DMD: variants seen among roughly 807,000 people sequenced by gnomAD.
The protein encoded by DMD is dystrophin.
DMD carries 63 observed loss-of-function variants against 330.1 expected under a neutral mutation model. The ratio of observed to expected loss-of-function variants is 0.19; its 90% CI spans 0.16 to 0.24. The LOEUF is 0.24. Ranked by LOEUF, DMD falls within the 10% of genes least tolerant of loss-of-function variation. The pLI is 1.00. For synonymous variants in DMD, 1,223 were observed against 959.8 expected (o/e 1.27, Z -5.07); for missense variants, 3,344 against 2,684.1 (o/e 1.25, Z -5.43).
In DMD at chrX:31,845,415, CTCTCTCTCT is replaced by C. The variant is rs1569474943; in HGVS notation, c.7099-8605_7099-8597del. On this transcript the variant is annotated intron_variant, in intron 48 of 78. Coordinates refer to ENST00000357033, the MANE Select transcript of DMD (RefSeq NM_004006.3). ...TCTCTCTCTCTCTCTCTCTCTCTCT[CTCTCTCTCT>C]CCCTCTCCTCCCGTCCCTCTCTTTC... Among the ~76,000 whole-genome samples the C allele has an allele frequency of 8.7e-3, 840 of 96,696 alleles. 21 individuals are homozygous for C. Among genetic ancestry groups the C allele is most frequent in the African/African-American group, 0.029 (785 of 26,811 alleles). 84.0% of individuals were successfully genotyped at this position (96,696 alleles called of 115,157 possible). A position where few individuals can be genotyped will look rare whatever the true frequency, so the allele number is the denominator to read the frequency against.
intron 50 of DMD, among the ~76,000 whole-genome samples, chrX:31,795,214 T>A (rs1409614467): frequency 8.9e-6 from 1 of 112,155 alleles, no homozygotes; most frequent in Non-Finnish European, 1.9e-5. Flanking sequence ...GTCAAGATAA[T>A]CTCATCCTCT....
At chrX:32,501,241 A>G (rs1313842162) in intron 19 of DMD, among the ~76,000 whole-genome samples, 2 of 112,002 alleles carry the variant, frequency 1.8e-5, no homozygotes, top group Non-Finnish European at 3.8e-5. Flanking sequence ...ACTTAAAAGT[A>G]AAGGTTATCC....
intron 48 of DMD, among the ~76,000 whole-genome samples, chrX:31,845,101 G>A (rs2093394225): frequency 9.9e-6 from 1 of 100,983 alleles, no homozygotes; most frequent in Admixed American, 1.0e-4. Context: ...TGTATGCTAT[G>A]AAGAAAGATT....
chrX:33,339,253 T>C, intron 1 of DMD: 1 of 1,027,259 alleles, frequency 9.7e-7, no homozygotes, highest in Non-Finnish European at 1.3e-6. Context: ...GCTTTAATAA[T>C]CCTACCTTCC....
At position 33,310,627 on chromosome X, in the gene DMD, G is replaced by A. The variant is rs745547201; in HGVS notation, c.7+28632C>T. 9.2e-4 allele frequency among the ~76,000 whole-genome samples: 102 copies of A among 111,190 alleles called. 1 individual carries two copies. Among genetic ancestry groups the A allele is most frequent in the African/African-American group, 3.1e-3 (96 of 30,763 alleles). On this transcript the variant is annotated intron_variant, in intron 1 of 17. Coordinates refer to the DMD transcript ENST00000288447. ...TAAGTCATTTCCTGATTTTGTCTTA[G>A]CAGATACAGTCAATTAAGAAATTAT...
intron 1 of DMD, among the ~76,000 whole-genome samples, chrX:33,181,749 C>A (rs1749443517): frequency 8.9e-6 from 1 of 111,854 alleles, no homozygotes; most frequent in African/African-American, 3.2e-5. Context: ...AAAAACAAAT[C>A]ATTTCCTTTG....
intron 59 of DMD, among the ~76,000 whole-genome samples, chrX:31,452,743 A>AATG (rs2065853746): frequency 1.8e-5 from 2 of 112,452 alleles, no homozygotes; most frequent in Admixed American, 9.4e-5. Context: ...TTGTAACTCC[A>AATG]ATGTTCTTAT....
chrX:32,842,812 TTA>T (rs1306102760), intron 4 of DMD, among the ~76,000 whole-genome samples: 5 of 92,761 alleles, frequency 5.4e-5, no homozygotes, highest in East Asian at 3.2e-4. Context: ...CAAATTATTA[TTA>T]TTTTTTTTTT....
At chrX:33,216,513 G>A (rs770244134), upstream of DMD, among the ~76,000 whole-genome samples, 22 of 110,904 alleles carry the variant, frequency 2.0e-4, no homozygotes, top group Non-Finnish European at 4.0e-4. Flanking sequence ...CACTACCTGG[G>A]TGACTGGATC....
At chrX:32,428,272 T>C (rs2098221375) in intron 29 of DMD, among the ~76,000 whole-genome samples, 1 of 112,108 alleles carries the variant, frequency 8.9e-6, no homozygotes, top group East Asian at 2.8e-4. Flanking sequence ...TGAATTCATC[T>C]TTGATCCACA....
intron 37 of DMD, among the ~76,000 whole-genome samples, chrX:32,360,800 A>AAATAATAATAATAATAATAATAATAAT (rs199527400): frequency 2.1e-5 from 2 of 95,937 alleles, no homozygotes; most frequent in African/African-American, 7.8e-5. Flanking sequence ...CACACACACA[A>AAATAATAATAATAATAATAATAATAAT]AATAATAATA....
intron 1 of DMD, among the ~76,000 whole-genome samples, chrX:33,068,534 A>C (rs1479802801): frequency 1.8e-5 from 2 of 112,396 alleles, no homozygotes; most frequent in Non-Finnish European, 3.8e-5. Flanking sequence ...TGTAATTCAA[A>C]ATAAACGTTA....
At position 32,697,044 on chromosome X, in the gene DMD, C is replaced by T. The variant is rs181196535; in HGVS notation, c.960+826G>A. ...GATCAGGTCTATCATTTTTAAACTC[C>T]CATTCATAGTGTAGTTTTGATAAAA... On this transcript the variant is annotated intron_variant, in intron 9 of 78. Coordinates refer to ENST00000357033, the MANE Select transcript of DMD (RefSeq NM_004006.3). 1.9e-3 allele frequency among the ~76,000 whole-genome samples: 213 copies of T among 111,798 alleles called. 2 individuals carry two copies. Among genetic ancestry groups the T allele is most frequent in the African/African-American group, 6.7e-3 (206 of 30,857 alleles).
intron 2 of DMD, among the ~76,000 whole-genome samples, chrX:32,973,736 A>G (rs1278048875): frequency 8.9e-6 from 1 of 112,008 alleles, no homozygotes; most frequent in Non-Finnish European, 1.9e-5. Flanking sequence ...TCCACGGCAT[A>G]ATAAAGTAAT....
At chrX:32,299,153 G>A (rs1185089994) in intron 42 of DMD, among the ~76,000 whole-genome samples, 1 of 110,475 alleles carries the variant, frequency 9.1e-6, no homozygotes, top group Non-Finnish European at 1.9e-5. Flanking sequence ...GAGAGTCCTG[G>A]TACAGCTACT....
chrX:31,841,081 C>A (rs1210899799), intron 48 of DMD, among the ~76,000 whole-genome samples: 1 of 111,413 alleles, frequency 9.0e-6, no homozygotes, highest in African/African-American at 3.3e-5. Flanking sequence ...GTTGTGAATG[C>A]AAAGGAAAAA....
At chrX:32,600,587 AACACGC>A (rs1380260257) in intron 12 of DMD, among the ~76,000 whole-genome samples, 11 of 69,617 alleles carry the variant, frequency 1.6e-4, no homozygotes, top group Non-Finnish European at 2.6e-4. Flanking sequence ...CACACACACA[AACACGC>A]ACACGCACAC....
intron 50 of DMD, among the ~76,000 whole-genome samples, chrX:31,799,597 C>T (rs898014943): frequency 1.8e-5 from 2 of 111,240 alleles, no homozygotes; most frequent in East Asian, 5.7e-4. Flanking sequence ...CATTCTGCTC[C>T]TGGCCCCTCC....
rs982172507 is a variant in DMD at position 32,251,095 on chromosome X, C to T, written c.6291-34032G>A. 5.5e-5 allele frequency among the ~76,000 whole-genome samples: 6 copies of T among 109,807 alleles called. 1 individual carries two copies. Among genetic ancestry groups the T allele is most frequent in the Admixed American group, 9.8e-5 (1 of 10,246 alleles). The stretch of plus-strand genomic sequence containing the variant: ...TAGGAGAAATACCTAATGTAGATGA[C>T]GGGTTGATGGGTGCAGCAAACCACC... On this transcript the variant is annotated intron_variant, in intron 43 of 78. Coordinates refer to ENST00000357033, the MANE Select transcript of DMD (RefSeq NM_004006.3).
Sources: allele counts gnomAD v4.1 joint callset (sites outside exome capture counted in the v4.1 genomes callset), GRCh38; gene constraint gnomAD v4.1.1; transcripts MANE v1.5; gene names NCBI Gene and HGNC (gene_info 2026-07-23, HGNC 2026-07-21).